Variants in AKAP13 observed in about 807,000 individuals in gnomAD.
AKAP13 encodes the protein A-kinase anchoring protein 13.
Under a neutral mutation model 264.5 loss-of-function variants are expected in AKAP13, and 80 were observed. The observed-to-expected ratio is 0.30, with a 90% CI of 0.25 to 0.36. AKAP13 has a LOEUF of 0.36. AKAP13 is among the 10% of genes least tolerant of loss of function. The probability of loss-of-function intolerance (pLI) is 1.00; values close to 1 mark genes in which losing one functional copy is unlikely to be tolerated. For missense variants in AKAP13, 3,712 were observed against 3,435.2 expected, an observed-to-expected ratio of 1.08 and a Z score of -2.01; for synonymous variants, 1,380 against 1,250.2, an observed-to-expected ratio of 1.10 and a Z score of -2.19.
At chr15:85,558,179 C>G (rs1478789267) in intron 5 of AKAP13, among the ~76,000 whole-genome samples, 2 of 152,128 alleles carry the variant, frequency 1.3e-5, no homozygotes, top group African/African-American at 2.4e-5. Flanking sequence ...CCCACCTTAC[C>G]TGTTTATTGT....
chr15:85,407,981 A>G (rs2071758975), intron 1 of AKAP13, among the ~76,000 whole-genome samples: 1 of 151,680 alleles, frequency 6.6e-6, no homozygotes, highest in Non-Finnish European at 1.5e-5. Context: ...GGACATTTTG[A>G]AAGTTGAATG....
chr15:85,594,379 T>C (rs2079715015), intron 8 of AKAP13, among the ~76,000 whole-genome samples: 1 of 152,206 alleles, frequency 6.6e-6, no homozygotes, highest in Non-Finnish European at 1.5e-5. Context: ...TATTCTCAAG[T>C]GTTAAAATAC....
chr15:85,574,595 T>C (rs1286370175), intron 5 of AKAP13, among the ~76,000 whole-genome samples: 5 of 152,260 alleles, frequency 3.3e-5, no homozygotes, highest in Admixed American at 6.5e-5. Context: ...TTGAACAATA[T>C]GTCATTGTAA....
intron 12 of AKAP13, among the ~76,000 whole-genome samples, chr15:85,663,818 G>A (rs376355): frequency 0.12 from 18,951 of 152,150 alleles, 1,942 homozygotes; most frequent in East Asian, 0.37. Flanking sequence ...AATCTGTCTT[G>A]GAGGAATCCT....
At chr15:85,689,285 A>G (rs945350604) in intron 16 of AKAP13, among the ~76,000 whole-genome samples, 43 of 152,188 alleles carry the variant, frequency 2.8e-4, no homozygotes, top group African/African-American at 1.0e-3. Context: ...TGCCTCCTAG[A>G]GTAGTGTTTA....
intron 5 of AKAP13, among the ~76,000 whole-genome samples, chr15:85,553,668 T>C (rs1294050607): frequency 3.3e-5 from 5 of 152,218 alleles, no homozygotes; most frequent in Non-Finnish European, 7.3e-5. Flanking sequence ...TAAGGAGATT[T>C]GTACTTTAAA....
Position 85,730,602 on chromosome 15 carries a change from C to A in AKAP13, c.7177C>A (p.Leu2393Ile), listed in dbSNP as rs2087931633. ...FRDMAECSTPLPEDCSPTHSP... is the reference protein window; with the variant it reads ...FRDMAECSTPIPEDCSPTHSP... ...GGACATGGCTGAGTGCAGCACCCCT[C>A]TCCCAGAGGATTGCTCCCCAACACA... Residue 2393 changes from leucine to isoleucine, a missense_variant, in exon 30 of 37, where the codon CTC becomes ATC. This residue lies in a region of AKAP13 where 611 missense variants were observed against 539.3 expected (regional missense o/e 1.13). Coordinates refer to ENST00000394518, the MANE Select transcript of AKAP13 (RefSeq NM_007200.5). 1.9e-6 allele frequency: 3 copies of A among 1,614,064 alleles called. No individual in the cohort carries two copies. Among genetic ancestry groups the A allele is most frequent in the Non-Finnish European group, 2.5e-6 (3 of 1,180,034 alleles).
chr15:85,732,429 T>C (rs1207452223), intron 30 of AKAP13, among the ~76,000 whole-genome samples: 1 of 143,224 alleles, frequency 7.0e-6, no homozygotes, highest in Non-Finnish European at 1.5e-5. Flanking sequence ...GAAAAACATA[T>C]ATATAACATT....
At chr15:85,395,098 A>G (rs1039725086) in intron 1 of AKAP13, among the ~76,000 whole-genome samples, 17 of 152,378 alleles carry the variant, frequency 1.1e-4, no homozygotes, top group South Asian at 2.1e-4. Context: ...CCCATTGTTC[A>G]GAGGAACCGT....
intron 16 of AKAP13, among the ~76,000 whole-genome samples, chr15:85,690,329 C>G (rs751880820): frequency 6.6e-5 from 10 of 152,136 alleles, no homozygotes; most frequent in Admixed American, 2.0e-4. Flanking sequence ...ATTTAACTTT[C>G]CTGAGCAAAA....
chr15:85,493,620 C>T (rs557630893), intron 2 of AKAP13, among the ~76,000 whole-genome samples: 26 of 152,284 alleles, frequency 1.7e-4, no homozygotes, highest in Non-Finnish European at 3.4e-4. Context: ...GAAATAGTGC[C>T]TATATCTCTC....
At chr15:85,518,076 C>T (rs1374760656) in intron 2 of AKAP13, among the ~76,000 whole-genome samples, 3 of 152,156 alleles carry the variant, frequency 2.0e-5, no homozygotes, top group African/African-American at 7.2e-5. Flanking sequence ...GACTTGTTCA[C>T]TGTGTAGCCA....
chr15:85,722,142 C>T, intron 24 of AKAP13, 26 bp downstream of exon 24: 1 of 1,613,012 alleles, frequency 6.2e-7, no homozygotes, highest in South Asian at 1.1e-5. Context: ...ATGAAAATCC[C>T]CGTTATTGTT....
At chr15:85,682,427 T>TA (rs931646073) in intron 15 of AKAP13, among the ~76,000 whole-genome samples, 80 of 152,110 alleles carry the variant, frequency 5.3e-4, no homozygotes, top group Non-Finnish European at 1.5e-4. Context: ...GTCCTCATGA[T>TA]AAAAATTGGT....
At chr15:85,507,266 G>GT (rs1471582053) in intron 2 of AKAP13, among the ~76,000 whole-genome samples, 1 of 151,810 alleles carries the variant, frequency 6.6e-6, no homozygotes, top group African/African-American at 2.4e-5. Flanking sequence ...CTAGTGGTTG[G>GT]CAAGCTACAG....
intron 10 of AKAP13, among the ~76,000 whole-genome samples, chr15:85,654,688 C>T (rs1050081190): frequency 6.6e-6 from 1 of 151,964 alleles, no homozygotes. Flanking sequence ...GCTCAGCATG[C>T]TGGCACATGC....
At position 85,579,698 on chromosome 15, in the gene AKAP13, G is replaced by C; in HGVS notation, c.1630G>C (p.Asp544His). The C allele has an allele frequency of 6.2e-7, 1 of 1,614,176 alleles. No individual in the cohort carries two copies. Among genetic ancestry groups the C allele is most frequent in the South Asian group, 1.1e-5 (1 of 91,080 alleles). ...PNCAPAASSL[D>H]GNKPAESSLA... is the part of the protein sequence containing the mutation. Reference sequence around the variant, plus strand: ...CTGTGCCCCTGCTGCCAGTTCCCTGGATGGTAACAAACCTGCTGAGTCTTC... The same window carrying C: ...CTGTGCCCCTGCTGCCAGTTCCCTGCATGGTAACAAACCTGCTGAGTCTTC... Residue 544 changes from aspartate (D) to histidine (H), a missense_variant, in exon 7 of 37, where the codon GAT (aspartate) becomes CAT (histidine). Asp to His is a moderately conservative substitution (Grantham distance 81, BLOSUM62 -1). Transcript: ENST00000394518.
Position 85,581,300 on chromosome 15 carries a change from A to T in AKAP13, c.3232A>T (p.Thr1078Ser). 6.2e-7 allele frequency: 1 copy of T among 1,614,162 alleles called. No homozygotes were observed. ...GAAGAACACTCAATCCCAGGGAAAA[A>T]CTAGTGCCTGTGAGGTGAGTGGAGA... is the stretch of plus-strand genomic sequence containing the variant. ...GVKNTQSQGK[T>S]SACEVSGDVT... The change falls in exon 7 of 37, where the codon ACT becomes TCT. Residue 1078 changes from threonine to serine, a missense_variant. Transcript: ENST00000394518.
chr15:85,440,497 C>T (rs1047400134), intron 1 of AKAP13, among the ~76,000 whole-genome samples: 4 of 152,004 alleles, frequency 2.6e-5, no homozygotes, highest in African/African-American at 4.8e-5. Context: ...TTAAACAGGC[C>T]GATGAAAAAG....
Sources: allele counts gnomAD v4.1 joint callset (sites outside exome capture counted in the v4.1 genomes callset), GRCh38; gene constraint gnomAD v4.1.1; regional missense constraint gnomAD v4.1.1; transcripts MANE v1.5; gene names NCBI Gene and HGNC (gene_info 2026-07-23, HGNC 2026-07-21).